TIMP3: variants seen among roughly 807,000 people sequenced by gnomAD.
The protein encoded by TIMP3 is TIMP metallopeptidase inhibitor 3, also known as metalloproteinase inhibitor 3.
Under a neutral mutation model 30.0 loss-of-function variants are expected in TIMP3, and 11 were observed. The observed-to-expected ratio is 0.37, with a 90% CI of 0.23 to 0.61. The LOEUF (loss-of-function observed/expected upper bound fraction) is 0.61, where lower values mean the gene tolerates loss of function less well. TIMP3 is among the 20% of genes least tolerant of loss of function. The pLI is 0.70. For synonymous variants in TIMP3, 112 were observed against 111.3 expected, an observed-to-expected ratio of 1.01 and a Z score of -0.04; for missense variants, 181 against 276.8, an observed-to-expected ratio of 0.65 and a Z score of 2.45.
intron 1 of TIMP3, among the ~76,000 whole-genome samples, chr22:32,843,657 C>T (rs2047979011): frequency 6.6e-6 from 1 of 152,170 alleles, no homozygotes; most frequent in African/African-American, 2.4e-5. Flanking sequence ...CATTCCAACA[C>T]TTCCAGATCC....
chr22:32,852,867 A>C (rs2048261989), intron 2 of TIMP3, among the ~76,000 whole-genome samples: 1 of 152,006 alleles, frequency 6.6e-6, no homozygotes, highest in Non-Finnish European at 1.5e-5. Context: ...AGCTGTGGGG[A>C]CCTTATCTCC....
chr22:32,847,417 C>T (rs1204087611), intron 1 of TIMP3, among the ~76,000 whole-genome samples: 1 of 152,170 alleles, frequency 6.6e-6, no homozygotes, highest in Non-Finnish European at 1.5e-5. Context: ...TTTGAGCTGC[C>T]TCCGCTAAAT....
At chr22:32,833,701 T>A (rs759616388) in intron 1 of TIMP3, 1 of 463,180 alleles carries the variant, frequency 2.2e-6, no homozygotes, top group Non-Finnish European at 4.3e-6. Context: ...GCATGCTATG[T>A]CCACCACTTC....
chr22:32,839,734 A>G (rs954829681), intron 1 of TIMP3, among the ~76,000 whole-genome samples: 1 of 152,164 alleles, frequency 6.6e-6, no homozygotes, highest in Admixed American at 6.5e-5. Flanking sequence ...TTGTCATTTC[A>G]TTGTGTAAAA....
intron 1 of TIMP3, 137 bp from the exon 2 acceptor site, chr22:32,849,314 CA>C: frequency 1.4e-6 from 1 of 726,554 alleles, no homozygotes. Context: ...CTTGTAAACA[CA>C]ATCATCTATT....
chr22:32,807,449 T>G (rs2046795984), intron 1 of TIMP3, among the ~76,000 whole-genome samples: 1 of 137,582 alleles, frequency 7.3e-6, no homozygotes, highest in African/African-American at 2.7e-5. Flanking sequence ...TATATTTCTT[T>G]TATGTATTTC....
chr22:32,856,480 T>C (rs1015510346), intron 2 of TIMP3, among the ~76,000 whole-genome samples: 6 of 152,144 alleles, frequency 3.9e-5, no homozygotes, highest in African/African-American at 7.2e-5. Flanking sequence ...TCAGATCCAA[T>C]GTCAGCAAGC....
At chr22:32,821,972 A>G (rs964642596) in intron 1 of TIMP3, among the ~76,000 whole-genome samples, 2 of 152,116 alleles carry the variant, frequency 1.3e-5, no homozygotes, top group Admixed American at 6.5e-5. Context: ...CCTGACCAAC[A>G]TGGAGAAACC....
At chr22:32,826,186 T>C (rs2047407311) in intron 1 of TIMP3, among the ~76,000 whole-genome samples, 1 of 152,226 alleles carries the variant, frequency 6.6e-6, no homozygotes, top group Admixed American at 6.5e-5. Context: ...TCCAGCACTT[T>C]GGGAAGCCGA....
chr22:32,822,221 C>T (rs961466895), intron 1 of TIMP3, among the ~76,000 whole-genome samples: 30 of 152,022 alleles, frequency 2.0e-4, no homozygotes, highest in Admixed American at 1.6e-3. Context: ...TCCCCATCTC[C>T]GAGGCTGGCT....
At chr22:32,857,429 C>T in intron 3 of TIMP3, 69 bp downstream of exon 3, 5 of 1,178,174 alleles carry the variant, frequency 4.2e-6, no homozygotes, top group Admixed American at 3.4e-5. Context: ...TTCAGAAGAA[C>T]ACATACGGAG....
intron 1 of TIMP3, among the ~76,000 whole-genome samples, chr22:32,823,848 A>T (rs1385003485): frequency 6.6e-6 from 1 of 152,136 alleles, no homozygotes; most frequent in Non-Finnish European, 1.5e-5. Flanking sequence ...CACTCCTATA[A>T]GATGGTACAT....
chr22:32,850,752 G>A, intron 2 of TIMP3, among the ~76,000 whole-genome samples: 1 of 152,252 alleles, frequency 6.6e-6, no homozygotes, highest in East Asian at 1.9e-4. Flanking sequence ...ATGCAAAAGT[G>A]ACTTGGTGAA....
chr22:32,814,131 TGTGTGTGTGTGAGA>T (rs1285312201), intron 1 of TIMP3, among the ~76,000 whole-genome samples: 169 of 134,634 alleles, frequency 1.3e-3, no homozygotes, highest in African/African-American at 1.9e-3. Flanking sequence ...TGTGTGTGTG[TGTGTGTGTGTGAGA>T]GAGAGAGAGA....
intron 1 of TIMP3, among the ~76,000 whole-genome samples, chr22:32,808,784 A>T (rs1181038715): frequency 1.3e-5 from 2 of 152,204 alleles, no homozygotes; most frequent in Non-Finnish European, 1.5e-5. Flanking sequence ...TATTTTAAGC[A>T]TGCTGAAAAA....
intron 1 of TIMP3, among the ~76,000 whole-genome samples, chr22:32,835,508 GTTTTT>G (rs2047705446): frequency 6.6e-6 from 1 of 152,078 alleles, no homozygotes; most frequent in Non-Finnish European, 1.5e-5. Context: ...GTGAGGAAGT[GTTTTT>G]TGATTTTAAA....
intron 1 of TIMP3, among the ~76,000 whole-genome samples, chr22:32,840,960 G>T (rs1356333902): frequency 6.6e-6 from 1 of 152,132 alleles, no homozygotes; most frequent in African/African-American, 2.4e-5. Context: ...CACCTTCCTG[G>T]TTGCTGAAGA....
At chr22:32,814,952 T>C (rs564363231) in intron 1 of TIMP3, among the ~76,000 whole-genome samples, 3 of 152,330 alleles carry the variant, frequency 2.0e-5, no homozygotes, top group African/African-American at 7.2e-5. Context: ...AATATGACCA[T>C]TTCAATATGT....
chr22:32,826,195 G>A (rs913423112), intron 1 of TIMP3, among the ~76,000 whole-genome samples: 2 of 152,260 alleles, frequency 1.3e-5, no homozygotes, highest in South Asian at 2.1e-4. Flanking sequence ...TTGGGAAGCC[G>A]AGGCAGGAGC....
Sources: allele counts gnomAD v4.1 joint callset (sites outside exome capture counted in the v4.1 genomes callset), GRCh38; gene constraint gnomAD v4.1.1; transcripts MANE v1.5; gene names NCBI Gene and HGNC (gene_info 2026-07-23, HGNC 2026-07-21).